The following ADCY2 variants were observed in gnomAD, a reference collection of about 807,000 sequenced individuals.
ADCY2 encodes adenylate cyclase type 2.
ADCY2 carries 31 observed loss-of-function variants against 125.2 expected under a neutral mutation model. That is an observed-to-expected ratio of 0.25 (90% CI 0.19 to 0.33). ADCY2 has a LOEUF of 0.33. ADCY2 is among the 10% of genes least tolerant of loss of function. The pLI is 1.00. For missense variants in ADCY2, 904 were observed against 1,418.2 expected (o/e 0.64, Z 5.82); for synonymous variants, 512 against 548.4 (o/e 0.93, Z 0.93).
At chr5:7,518,462 A>G (rs1397571585) in intron 2 of ADCY2, among the ~76,000 whole-genome samples, 1 of 152,234 alleles carries the variant, frequency 6.6e-6, no homozygotes, top group African/African-American at 2.4e-5. Flanking sequence ...ATGGAATGGA[A>G]CAAGTGGAAT....
chr5:7,490,484 C>T (rs989564536), intron 2 of ADCY2, among the ~76,000 whole-genome samples: 1 of 152,074 alleles, frequency 6.6e-6, no homozygotes, highest in Non-Finnish European at 1.5e-5. Context: ...ACATTAGGAG[C>T]AATGAGGCCA....
At chr5:7,813,362 G>A (rs919959543) in intron 22 of ADCY2, among the ~76,000 whole-genome samples, 2 of 152,114 alleles carry the variant, frequency 1.3e-5, no homozygotes, top group Admixed American at 6.5e-5. Flanking sequence ...AAATTACCTC[G>A]GTTATTACCA....
Position 7,655,690 on chromosome 5 carries a change from G to C in ADCY2, c.720+29374G>C, listed in dbSNP as rs576998041. Among the ~76,000 whole-genome samples the C allele has an allele frequency of 8.5e-5, 13 of 152,276 alleles. No homozygotes were observed. The East Asian group carries it at 2.1e-3, about 25-fold the overall frequency. On this transcript the variant is annotated intron_variant, in intron 4 of 24. Coordinates refer to ENST00000338316, the MANE Select transcript of ADCY2 (RefSeq NM_020546.3). The stretch of plus-strand genomic sequence containing the variant: ...ACATCCAGAAATCATGGCTCATCTG[G>C]GCATGCCGTGGCCCAGTCAAGTGGA...
At chr5:7,669,796 G>A (rs1341333424) in intron 4 of ADCY2, among the ~76,000 whole-genome samples, 1 of 152,172 alleles carries the variant, frequency 6.6e-6, no homozygotes, top group African/African-American at 2.4e-5. Flanking sequence ...AGAGTTTAAA[G>A]TTGCAAGCAG....
chr5:7,592,128 T>C (rs1196703255), intron 3 of ADCY2, among the ~76,000 whole-genome samples: 2 of 152,254 alleles, frequency 1.3e-5, no homozygotes, highest in Non-Finnish European at 2.9e-5. Context: ...TTCTTCTTAT[T>C]GCCTTTAGGT....
intron 3 of ADCY2, among the ~76,000 whole-genome samples, chr5:7,564,175 C>T (rs1021424655): frequency 6.6e-6 from 1 of 152,120 alleles, no homozygotes; most frequent in African/African-American, 2.4e-5. Context: ...ACCTTTCCCC[C>T]AAAAGCAGTT....
intron 16 of ADCY2, among the ~76,000 whole-genome samples, chr5:7,763,666 A>G (rs2126469702): frequency 6.6e-6 from 1 of 152,260 alleles, no homozygotes; most frequent in South Asian, 2.1e-4. Context: ...GAGTGGAGTC[A>G]CACAATATCT....
chr5:7,408,402 G>C (rs1183005043), intron 1 of ADCY2, among the ~76,000 whole-genome samples: 2 of 151,502 alleles, frequency 1.3e-5, no homozygotes, highest in Non-Finnish European at 2.9e-5. Flanking sequence ...CAGTCTTGCT[G>C]TGTCACCCAG....
intron 2 of ADCY2, among the ~76,000 whole-genome samples, chr5:7,495,298 A>G (rs188098010): frequency 2.6e-5 from 4 of 152,304 alleles, no homozygotes; most frequent in Non-Finnish European, 5.9e-5. Context: ...CTTGTGTGCC[A>G]GGAAACGCCT....
At chr5:7,488,775 C>T (rs1162947924) in intron 2 of ADCY2, among the ~76,000 whole-genome samples, 1 of 152,150 alleles carries the variant, frequency 6.6e-6, no homozygotes, top group African/African-American at 2.4e-5. Context: ...GCCCCTAGAT[C>T]CCTTTGCCCA....
intron 3 of ADCY2, among the ~76,000 whole-genome samples, chr5:7,567,203 G>A (rs1354018333): frequency 3.9e-5 from 6 of 152,046 alleles, no homozygotes; most frequent in African/African-American, 1.4e-4. Context: ...TTTTTTAAAG[G>A]TTTACTACTG....
chr5:7,566,607 G>A (rs1420441365), intron 3 of ADCY2, among the ~76,000 whole-genome samples: 6 of 152,046 alleles, frequency 3.9e-5, no homozygotes, highest in African/African-American at 1.4e-4. Flanking sequence ...GTAGAAATAA[G>A]CCCCACTTTG....
At chr5:7,786,162 C>T (rs910838167) in intron 19 of ADCY2, among the ~76,000 whole-genome samples, 3 of 152,090 alleles carry the variant, frequency 2.0e-5, no homozygotes, top group South Asian at 2.1e-4. Flanking sequence ...TATAAATCAC[C>T]GAATCTATAT....
chr5:7,595,625 T>C (rs2126629888), intron 3 of ADCY2, among the ~76,000 whole-genome samples: 1 of 152,284 alleles, frequency 6.6e-6, no homozygotes, highest in Admixed American at 6.5e-5. Flanking sequence ...AGTGACTTAA[T>C]TTGTAAATAT....
chr5:7,488,700 G>T (rs1485849541), intron 2 of ADCY2, among the ~76,000 whole-genome samples: 1 of 152,108 alleles, frequency 6.6e-6, no homozygotes, highest in African/African-American at 2.4e-5. Flanking sequence ...GATCAAAAGG[G>T]CCTGACCACC....
At position 7,443,639 on chromosome 5, in the gene ADCY2, C is replaced by CAA. The variant is rs56089574; in HGVS notation, c.408+28898_408+28899dup. ...TGGGCGACAGAGTAAGACTCTGTCT[C>CAA]AAAAAAAAAAAAAAAAAAAAAAAAA... On this transcript the variant is annotated intron_variant, in intron 2 of 24. Transcript: ENST00000338316. 2.0e-3 allele frequency among the ~76,000 whole-genome samples: 103 copies of CAA among 51,214 alleles called. 11 individuals are homozygous for CAA. The highest frequency in any genetic ancestry group is 2.8e-3 in the Non-Finnish European group (91 of 32,312). 33.6% of individuals were successfully genotyped at this position (51,214 alleles called of 152,430 possible). A position where few individuals can be genotyped will look rare whatever the true frequency, so the allele number is the denominator to read the frequency against.
intron 3 of ADCY2, among the ~76,000 whole-genome samples, chr5:7,557,253 C>T (rs1274231150): frequency 7.5e-6 from 1 of 133,850 alleles, no homozygotes; most frequent in African/African-American, 2.6e-5. Context: ...AGATGCTCAA[C>T]CTCCCTAGTA....
chr5:7,785,272 C>A (rs1418237028), intron 19 of ADCY2, among the ~76,000 whole-genome samples: 1 of 152,200 alleles, frequency 6.6e-6, no homozygotes, highest in Non-Finnish European at 1.5e-5. Flanking sequence ...GTTCTCCCCA[C>A]CCAAAAGCTG....
chr5:7,425,614 A>G (rs1740358138), intron 2 of ADCY2, among the ~76,000 whole-genome samples: 1 of 152,266 alleles, frequency 6.6e-6, no homozygotes, highest in East Asian at 1.9e-4. Flanking sequence ...ACACTTCACT[A>G]AACTCTGGTA....
Sources: gnomAD v4.1 joint callset for allele counts (sites outside exome capture counted in the v4.1 genomes callset) on GRCh38, gnomAD v4.1.1 for gene constraint, MANE v1.5 for transcripts, NCBI Gene and HGNC (gene_info 2026-07-23, HGNC 2026-07-21) for gene names.